SYTL3: variants seen among roughly 807,000 people sequenced by gnomAD.
SYTL3 encodes synaptotagmin-like protein 3.
Under a neutral mutation model 82.1 loss-of-function variants are expected in SYTL3, and 88 were observed. The observed-to-expected ratio is 1.07, with a 90% CI of 0.90 to 1.28. SYTL3 has a LOEUF of 1.28. SYTL3 is among the 50% of genes most tolerant of loss of function. The pLI, the probability that SYTL3 is intolerant of heterozygous loss-of-function variation, is 0.00. For missense variants in SYTL3, 831 were observed against 757.6 expected (o/e 1.10, Z -1.14); for synonymous variants, 311 against 289.4 (o/e 1.07, Z -0.76).
At chr6:158,741,005 G>GC (rs1751719652) in intron 11 of SYTL3, among the ~76,000 whole-genome samples, 9 of 152,134 alleles carry the variant, frequency 5.9e-5, no homozygotes, top group African/African-American at 2.2e-4. Flanking sequence ...TAGTCTGTTG[G>GC]CAAGAGGTCA....
intron 6 of SYTL3, among the ~76,000 whole-genome samples, chr6:158,705,681 G>T (rs913806432): frequency 6.6e-6 from 1 of 151,796 alleles, no homozygotes; most frequent in African/African-American, 2.4e-5. Context: ...GGGACAGGGT[G>T]ACAGTGAGGG....
chr6:158,688,341 C>G (rs1222473097), intron 6 of SYTL3, among the ~76,000 whole-genome samples: 1 of 152,136 alleles, frequency 6.6e-6, no homozygotes, highest in Non-Finnish European at 1.5e-5. Context: ...TGATGTTTTG[C>G]CAAATTACCC....
At chr6:158,728,931 T>TCAGGAGGCTGAGG in intron 11 of SYTL3, among the ~76,000 whole-genome samples, 1 of 152,226 alleles carries the variant, frequency 6.6e-6, no homozygotes, top group East Asian at 1.9e-4. Context: ...TCCCAGCTAC[T>TCAGGAGGCTGAGG]CAGGAGGCTG....
intron 9 of SYTL3, 123 bp downstream of exon 9, chr6:158,714,001 C>T (rs746373772): frequency 6.5e-5 from 47 of 719,754 alleles, no homozygotes; most frequent in Non-Finnish European, 1.0e-4. Context: ...TGTCTCTGGA[C>T]CCTGGGGAAA....
chr6:158,764,727 C>A lies in SYTL3; in HGVS notation c.*123C>A. 2 of 654,012 alleles carry A rather than the reference C, an allele frequency of 3.1e-6. No individual in the cohort carries two copies. The highest frequency in any genetic ancestry group is 2.7e-6 in the Non-Finnish European group (1 of 364,640). 40.5% of individuals were successfully genotyped at this position (654,012 alleles called of 1,614,324 possible). ...TTTGACCTTGAGCAGTCTCCATCTG[C>A]GGCCCTGTCCCATGGCTTAACCGCC... On this transcript the variant is annotated 3_prime_UTR_variant, in exon 18 of 18. Coordinates refer to ENST00000611299, the MANE Select transcript of SYTL3 (RefSeq NM_001242394.2).
At chr6:158,735,352 A>G (rs773885049) in intron 11 of SYTL3, among the ~76,000 whole-genome samples, 1 of 152,174 alleles carries the variant, frequency 6.6e-6, no homozygotes, top group Non-Finnish European at 1.5e-5. Context: ...TGTTAATTTT[A>G]TAATTATTAA....
At chr6:158,688,556 A>G (rs1030990918) in intron 6 of SYTL3, among the ~76,000 whole-genome samples, 11 of 152,352 alleles carry the variant, frequency 7.2e-5, no homozygotes, top group African/African-American at 2.6e-4. Context: ...TGAGCCCAGG[A>G]GTTCAAGACT....
intron 17 of SYTL3, among the ~76,000 whole-genome samples, chr6:158,763,747 C>T (rs991364419): frequency 4.6e-5 from 7 of 152,178 alleles, no homozygotes; most frequent in Non-Finnish European, 1.0e-4. Context: ...TTATAGGCCT[C>T]CAAACGGGCT....
chr6:158,734,406 C>T (rs148914639), intron 11 of SYTL3, among the ~76,000 whole-genome samples: 14 of 152,164 alleles, frequency 9.2e-5, no homozygotes, highest in African/African-American at 3.4e-4. Context: ...TGGATCCACC[C>T]CATGACAGCC....
intron 5 of SYTL3, among the ~76,000 whole-genome samples, chr6:158,675,922 C>T (rs1045208412): frequency 6.6e-6 from 1 of 152,156 alleles, no homozygotes. Context: ...TGCACCCCAG[C>T]CTGGGCGACA....
At chr6:158,757,415 C>A (rs777100961) in intron 14 of SYTL3, 34 bp downstream of exon 14, 5 of 1,606,660 alleles carry the variant, frequency 3.1e-6, no homozygotes, top group Non-Finnish European at 4.3e-6. Context: ...TGCCCTCCAT[C>A]CCCACTGTGA....
At chr6:158,754,782 C>T (rs1788855890) in intron 13 of SYTL3, among the ~76,000 whole-genome samples, 1 of 152,220 alleles carries the variant, frequency 6.6e-6, no homozygotes, top group African/African-American at 2.4e-5. Flanking sequence ...GTCCTATTGA[C>T]AGAAAGGGGC....
At chr6:158,677,881 G>A (rs142307199) in intron 5 of SYTL3, among the ~76,000 whole-genome samples, 2 of 152,130 alleles carry the variant, frequency 1.3e-5, no homozygotes, top group East Asian at 3.9e-4. Flanking sequence ...TGCTGCTTTT[G>A]TTGTTGTTGT....
At chr6:158,678,266 CAGG>C (rs1778287708) in intron 5 of SYTL3, among the ~76,000 whole-genome samples, 1 of 152,214 alleles carries the variant, frequency 6.6e-6, no homozygotes, top group Non-Finnish European at 1.5e-5. Flanking sequence ...CAGTTCTGCA[CAGG>C]AGATGTGCTT....
chr6:158,709,843 C>T (rs2128458492), intron 8 of SYTL3, among the ~76,000 whole-genome samples: 1 of 152,180 alleles, frequency 6.6e-6, no homozygotes, highest in East Asian at 1.9e-4. Flanking sequence ...ATGACAACAG[C>T]CTGGGCAACA....
intron 11 of SYTL3, chr6:158,725,971 C>T (rs1784680225): frequency 4.5e-6 from 3 of 670,534 alleles, no homozygotes; most frequent in Admixed American, 1.9e-5. Context: ...CAGCTTCTTC[C>T]AAGTGGTTGG....
At chr6:158,710,884 G>A (rs185418889) in intron 8 of SYTL3, among the ~76,000 whole-genome samples, 38 of 151,982 alleles carry the variant, frequency 2.5e-4, no homozygotes. Flanking sequence ...GGGTTCAAGC[G>A]ATTCTCCTGC....
intron 11 of SYTL3, among the ~76,000 whole-genome samples, chr6:158,732,740 C>T (rs1474856866): frequency 6.6e-6 from 1 of 152,176 alleles, no homozygotes; most frequent in Non-Finnish European, 1.5e-5. Flanking sequence ...CAAGAGCTAA[C>T]CCATCAGTCC....
chr6:158,718,527 G>A (rs1245419518), intron 10 of SYTL3, among the ~76,000 whole-genome samples: 2 of 152,324 alleles, frequency 1.3e-5, no homozygotes, highest in Non-Finnish European at 2.9e-5. Flanking sequence ...AGGGCTTCCT[G>A]CAGGGCCCAC....
Sources: gnomAD v4.1 joint callset for allele counts (sites outside exome capture counted in the v4.1 genomes callset) on GRCh38, gnomAD v4.1.1 for gene constraint, MANE v1.5 for transcripts, NCBI Gene and HGNC (gene_info 2026-07-23, HGNC 2026-07-21) for gene names.